ARIH1: variants seen among roughly 807,000 people sequenced by gnomAD.
ARIH1 encodes the protein ariadne RBR E3 ubiquitin protein ligase 1, also known as E3 ubiquitin-protein ligase ARIH1.
A neutral mutation model predicts 85.0 loss-of-function variants in ARIH1; 8 were observed. The ratio of observed to expected loss-of-function variants is 0.09; its 90% CI spans 0.06 to 0.17. The LOEUF (loss-of-function observed/expected upper bound fraction) is 0.17. ARIH1 is among the 10% of genes least tolerant of loss of function. The pLI is 1.00. For synonymous variants in ARIH1, 238 were observed against 253.6 expected, an observed-to-expected ratio of 0.94 and a Z score of 0.59; for missense variants, 311 against 718.1, an observed-to-expected ratio of 0.43 and a Z score of 6.48.
chr15:72,504,017 CCACT>C (rs2063914253), intron 1 of ARIH1, among the ~76,000 whole-genome samples: 1 of 152,134 alleles, frequency 6.6e-6, no homozygotes, highest in Admixed American at 6.5e-5. Flanking sequence ...CAGCCGCCCT[CCACT>C]AGTGAGGGCA....
chr15:72,484,841 A>G (rs1055191499), intron 1 of ARIH1, among the ~76,000 whole-genome samples: 2 of 151,788 alleles, frequency 1.3e-5, no homozygotes, highest in African/African-American at 4.8e-5. Context: ...ATTGATGGGC[A>G]TTTGGGCTGG....
At chr15:72,538,370 A>G (rs2064092120) in intron 2 of ARIH1, among the ~76,000 whole-genome samples, 1 of 152,188 alleles carries the variant, frequency 6.6e-6, no homozygotes, top group Non-Finnish European at 1.5e-5. Flanking sequence ...CCCCGCAAAT[A>G]AATAAGTAAA....
chr15:72,557,403 G>GT (rs1303828816), intron 5 of ARIH1, among the ~76,000 whole-genome samples: 1 of 151,948 alleles, frequency 6.6e-6, no homozygotes, highest in African/African-American at 2.4e-5. Flanking sequence ...GGGGTTATTT[G>GT]TTTTTTGCTT....
intron 2 of ARIH1, among the ~76,000 whole-genome samples, chr15:72,530,077 G>A (rs2064048971): frequency 6.6e-6 from 1 of 152,094 alleles, no homozygotes; most frequent in Non-Finnish European, 1.5e-5. Context: ...GATAGCAGAG[G>A]GTAGATGGAA....
chr15:72,491,603 A>G (rs2063859676), intron 1 of ARIH1, among the ~76,000 whole-genome samples: 1 of 152,184 alleles, frequency 6.6e-6, no homozygotes. Flanking sequence ...AAGTCTTGGT[A>G]CTATCCCCAT....
In ARIH1 at chr15:72,601,034, A is replaced by G. The variant is rs191723397; in HGVS notation, c.*17742A>G. ...CACTCATCCAGCAGCTTTCAAAGTA[A>G]GAAACCTGGCAATCTTCCTTTAACA... On this transcript the variant is annotated 3_prime_UTR_variant, in exon 14 of 14. Coordinates refer to ENST00000379887, the MANE Select transcript of ARIH1 (RefSeq NM_005744.5). 1.4e-4 allele frequency: 21 copies of G among 152,332 alleles called. No individual in the cohort carries two copies. Among genetic ancestry groups the G allele is most frequent in the African/African-American group, 4.8e-4 (20 of 41,560 alleles). 9.4% of individuals were successfully genotyped at this position (152,332 alleles called of 1,614,324 possible).
At chr15:72,482,256 A>G (rs1567335759) in intron 1 of ARIH1, among the ~76,000 whole-genome samples, 1 of 152,206 alleles carries the variant, frequency 6.6e-6, no homozygotes, top group Non-Finnish European at 1.5e-5. Context: ...ATTTATTAGT[A>G]TGCTGGAAGA....
At chr15:72,564,455 T>C (rs2064210582) in intron 7 of ARIH1, among the ~76,000 whole-genome samples, 1 of 152,224 alleles carries the variant, frequency 6.6e-6, no homozygotes, top group East Asian at 1.9e-4. Context: ...CCTGCACTTC[T>C]GTCTTTCTGA....
At chr15:72,508,739 G>C (rs1206510347) in intron 1 of ARIH1, among the ~76,000 whole-genome samples, 1 of 149,814 alleles carries the variant, frequency 6.7e-6, no homozygotes. Context: ...TATCACCCAG[G>C]CTGGAGTGTA....
intron 11 of ARIH1, among the ~76,000 whole-genome samples, chr15:72,575,460 G>T (rs1317660129): frequency 1.3e-5 from 2 of 151,020 alleles, no homozygotes; most frequent in South Asian, 4.2e-4. Flanking sequence ...GCTGGCTGAG[G>T]TGGGAGGATC....
At chr15:72,550,965 C>A (rs909350638) in intron 3 of ARIH1, among the ~76,000 whole-genome samples, 5 of 152,188 alleles carry the variant, frequency 3.3e-5, no homozygotes, top group Non-Finnish European at 5.9e-5. Context: ...AGCCACTGTA[C>A]CCAGCCCTCT....
intron 3 of ARIH1, among the ~76,000 whole-genome samples, chr15:72,554,097 GAA>G (rs1271784235): frequency 6.6e-6 from 1 of 152,042 alleles, no homozygotes; most frequent in Non-Finnish European, 1.5e-5. Flanking sequence ...TGGAAATATG[GAA>G]AAATATTTTT....
At chr15:72,498,397 G>C (rs1268502504) in intron 1 of ARIH1, among the ~76,000 whole-genome samples, 1 of 152,110 alleles carries the variant, frequency 6.6e-6, no homozygotes, top group Non-Finnish European at 1.5e-5. Flanking sequence ...CAATTTATCA[G>C]TTTTCCTATT....
chr15:72,510,598 TTGG>T (rs2063945853), intron 1 of ARIH1, among the ~76,000 whole-genome samples: 2 of 150,924 alleles, frequency 1.3e-5, no homozygotes, highest in South Asian at 4.2e-4. Flanking sequence ...TTAGGCGGGC[TTGG>T]TGGTGGGCGC....
chr15:72,551,301 AAG>A (rs1280350409), intron 3 of ARIH1, among the ~76,000 whole-genome samples: 1 of 152,214 alleles, frequency 6.6e-6, no homozygotes, highest in Non-Finnish European at 1.5e-5. Flanking sequence ...AATATTGAAA[AAG>A]AAGATTAAAT....
In ARIH1 at chr15:72,597,790, A is replaced by G. The variant is rs2064368725; in HGVS notation, c.*14498A>G. On this transcript the variant is annotated 3_prime_UTR_variant, in exon 14 of 14. Transcript: ENST00000379887. ...AGGTTCTAATGTCAAACCAGCCTCCAAGGGGTTGTGAAAATGTTGTTAAAT... is the reference window on the plus strand; with the variant it reads ...AGGTTCTAATGTCAAACCAGCCTCCGAGGGGTTGTGAAAATGTTGTTAAAT... 1 of 152,096 alleles carries G rather than the reference A, an allele frequency of 6.6e-6. No individual in the cohort carries two copies. Among genetic ancestry groups the G allele is most frequent in the African/African-American group, 2.4e-5 (1 of 41,386 alleles). The allele number at this position is 152,096 out of a possible 1,614,324, so 9.4% of individuals were successfully genotyped here. A position where few individuals can be genotyped will look rare whatever the true frequency, so the allele number is the denominator to read the frequency against.
At chr15:72,483,947 G>A (rs528367219) in intron 1 of ARIH1, among the ~76,000 whole-genome samples, 99 of 151,714 alleles carry the variant, frequency 6.5e-4, no homozygotes, top group Non-Finnish European at 1.1e-3. Context: ...CGAGGCAGGC[G>A]GATCACCTGA....
intron 12 of ARIH1, chr15:72,581,637 C>G (rs1272877152): frequency 6.3e-6 from 1 of 159,188 alleles, no homozygotes; most frequent in Non-Finnish European, 1.4e-5. Context: ...GTAACAGGTA[C>G]AAAACTAGCC....
chr15:72,548,435 A>G (rs1452754517), intron 3 of ARIH1, among the ~76,000 whole-genome samples: 4 of 152,286 alleles, frequency 2.6e-5, no homozygotes, highest in Middle Eastern at 3.4e-3. Flanking sequence ...TTCATGGGCT[A>G]AAGAGTCACT....
Sources: allele counts gnomAD v4.1 joint callset (sites outside exome capture counted in the v4.1 genomes callset), GRCh38; gene constraint gnomAD v4.1.1; transcripts MANE v1.5; gene names NCBI Gene and HGNC (gene_info 2026-07-23, HGNC 2026-07-21).